Variants in PRKG1 observed in about 807,000 individuals in gnomAD.
The protein encoded by PRKG1 is cGMP-dependent protein kinase 1.
In PRKG1, 35 loss-of-function variants were observed where a neutral mutation model predicts 88.1. The ratio of observed to expected loss-of-function variants is 0.40; its 90% CI spans 0.30 to 0.53. The LOEUF (loss-of-function observed/expected upper bound fraction) is 0.53. Among genes scored for constraint, PRKG1 ranks in the 20% least tolerant of loss-of-function variants. The pLI, the probability that PRKG1 is intolerant of heterozygous loss-of-function variation, is 0.59. For missense variants in PRKG1, 540 were observed against 839.8 expected (o/e 0.64, Z 4.41); for synonymous variants, 303 against 292.5 (o/e 1.04, Z -0.37).
At chr10:51,816,605 T>C (rs1839594323) in intron 4 of PRKG1, among the ~76,000 whole-genome samples, 7 of 151,280 alleles carry the variant, frequency 4.6e-5, no homozygotes, top group Admixed American at 4.0e-4. Context: ...CTGAGGTTTT[T>C]AAAAGTAATT....
rs180907275 is a variant in PRKG1, at chr10:51,616,759, G to T, written c.592+148923G>T. On this transcript the variant is annotated intron_variant, in intron 3 of 17. Transcript: ENST00000373980. The stretch of plus-strand genomic sequence containing the variant: ...GGATACACAGGTGAGAAATGGTAGT[G>T]GTTGTGCTGTAGCCCTGCCACTGGG... Among the ~76,000 whole-genome samples the T allele has an allele frequency of 3.7e-3, 556 of 152,260 alleles. 12 individuals carry two copies. Among genetic ancestry groups the T allele is most frequent in the Admixed American group, 0.031 (479 of 15,292 alleles).
chr10:51,428,050 A>C (rs1489126563), intron 2 of PRKG1, among the ~76,000 whole-genome samples: 2 of 152,186 alleles, frequency 1.3e-5, no homozygotes, highest in African/African-American at 4.8e-5. Flanking sequence ...CTAAGGGCAC[A>C]TGGCCTTAAG....
chr10:51,614,931 CCATCTTTGAATATATT>C (rs1330853413), intron 3 of PRKG1, among the ~76,000 whole-genome samples: 54 of 150,006 alleles, frequency 3.6e-4, no homozygotes, highest in African/African-American at 1.2e-3. Flanking sequence ...TTGAATATAT[CCATCTTTGAATATATT>C]CAACTTTGAA....
At chr10:51,952,347 C>G (rs746725323) in intron 5 of PRKG1, among the ~76,000 whole-genome samples, 3 of 152,154 alleles carry the variant, frequency 2.0e-5, no homozygotes, top group Admixed American at 6.5e-5. Context: ...TTGGGAATCA[C>G]TTGTGCTGGC....
intron 4 of PRKG1, among the ~76,000 whole-genome samples, chr10:51,835,780 A>C (rs1840116447): frequency 1.3e-5 from 2 of 152,158 alleles, no homozygotes; most frequent in Admixed American, 1.3e-4. Flanking sequence ...ATCATATGGT[A>C]GTTCTATTTC....
In PRKG1 at chr10:51,951,988, C is replaced by A. The variant is rs559063609; in HGVS notation, c.762+44418C>A. On this transcript the variant is annotated intron_variant, in intron 5 of 17. Coordinates refer to ENST00000373980, the MANE Select transcript of PRKG1 (RefSeq NM_006258.4). Reference sequence around the variant, plus strand: ...AGTGTTCATAAAGGTGTTATTGGAACCTTGCCATACCCATTTGTTAACATA... The same window carrying A: ...AGTGTTCATAAAGGTGTTATTGGAAACTTGCCATACCCATTTGTTAACATA... 4.6e-5 allele frequency among the ~76,000 whole-genome samples: 7 copies of A among 152,250 alleles called. No homozygotes were observed. In the South Asian group the frequency reaches 1.0e-3, roughly 23 times the overall value.
chr10:51,360,179 T>C (rs1309232108), intron 2 of PRKG1, among the ~76,000 whole-genome samples: 1 of 151,910 alleles, frequency 6.6e-6, no homozygotes, highest in Non-Finnish European at 1.5e-5. Flanking sequence ...TAGGAGGTGT[T>C]AAGGAATCCA....
At chr10:51,115,725 T>C (rs1273071714) in intron 1 of PRKG1, among the ~76,000 whole-genome samples, 5 of 151,252 alleles carry the variant, frequency 3.3e-5, no homozygotes, top group Admixed American at 1.3e-4. Context: ...TAGTCCCAGC[T>C]ATTCGGGACG....
chr10:51,014,249 C>T (rs1843028341), intron 1 of PRKG1, among the ~76,000 whole-genome samples: 1 of 151,708 alleles, frequency 6.6e-6, no homozygotes, highest in South Asian at 2.1e-4. Context: ...GGGCTTTAGG[C>T]TCACTGATTC....
intron 2 of PRKG1, among the ~76,000 whole-genome samples, chr10:51,397,814 A>G (rs1837621847): frequency 6.6e-6 from 1 of 152,172 alleles, no homozygotes; most frequent in South Asian, 2.1e-4. Context: ...GCAGTGAGCC[A>G]TTTGGCTCAA....
chr10:52,281,112 A>G (rs1178383221), intron 13 of PRKG1, among the ~76,000 whole-genome samples, 182 bp downstream of exon 13: 2 of 152,294 alleles, frequency 1.3e-5, no homozygotes, highest in Non-Finnish European at 2.9e-5. Flanking sequence ...CAGTTATGAA[A>G]AATTAAGTTG....
intron 2 of PRKG1, among the ~76,000 whole-genome samples, chr10:51,332,822 G>A (rs1044118725): frequency 2.6e-5 from 4 of 152,214 alleles, no homozygotes; most frequent in African/African-American, 9.6e-5. Flanking sequence ...TGTGGAAACA[G>A]ACCTAAGTTC....
intron 2 of PRKG1, among the ~76,000 whole-genome samples, chr10:51,407,751 T>A (rs1429058388): frequency 6.6e-6 from 1 of 152,180 alleles, no homozygotes; most frequent in East Asian, 1.9e-4. Context: ...CCCATTGACC[T>A]TAATCACAGG....
intron 17 of PRKG1, among the ~76,000 whole-genome samples, chr10:52,291,758 G>T (rs1379126907): frequency 2.0e-5 from 3 of 151,656 alleles, no homozygotes; most frequent in Non-Finnish European, 2.9e-5. Context: ...AGTCATTTGG[G>T]TATATACCCA....
In PRKG1 at chr10:51,670,643, G is replaced by C. The variant is rs1007121660; in HGVS notation, c.593-133942G>C. 9.3e-4 allele frequency among the ~76,000 whole-genome samples: 138 copies of C among 148,796 alleles called. No homozygotes were observed. In the East Asian group the frequency reaches 0.024, roughly 25 times the overall value. ...CCCAGCTACTTGGGAGGCTGAGGCAGGAGAATGGCGTGAACCCGGGAGGCA... is the reference window on the plus strand; with the variant it reads ...CCCAGCTACTTGGGAGGCTGAGGCACGAGAATGGCGTGAACCCGGGAGGCA... On this transcript the variant is annotated intron_variant, in intron 3 of 17. Transcript: ENST00000373980.
chr10:52,024,209 T>C (rs10740410), intron 5 of PRKG1, among the ~76,000 whole-genome samples: 152,247 of 152,248 alleles, frequency 1, 76,123 homozygotes, highest in Non-Finnish European at 1. Flanking sequence ...GGCTGTGCTG[T>C]CCAAAGTAAT....
intron 9 of PRKG1, chr10:52,231,212 A>G (rs1840513180): frequency 6.6e-6 from 1 of 152,252 alleles, no homozygotes; most frequent in Non-Finnish European, 1.5e-5. Flanking sequence ...AGCCTGGGCA[A>G]CATGGTGAAA....
intron 3 of PRKG1, among the ~76,000 whole-genome samples, chr10:51,593,679 G>A (rs953755344): frequency 1.1e-4 from 17 of 151,972 alleles, no homozygotes; most frequent in Non-Finnish European, 2.2e-4. Flanking sequence ...AGGTAAATTA[G>A]AGTGGTATTG....
intron 1 of PRKG1, among the ~76,000 whole-genome samples, chr10:51,149,832 GGA>G (rs903557119): frequency 1.8e-4 from 28 of 152,098 alleles, no homozygotes; most frequent in African/African-American, 6.5e-4. Context: ...TTTACACCAT[GGA>G]AATTGGCAAA....
Sources: allele counts gnomAD v4.1 joint callset (sites outside exome capture counted in the v4.1 genomes callset), GRCh38; gene constraint gnomAD v4.1.1; transcripts MANE v1.5; gene names NCBI Gene and HGNC (gene_info 2026-07-23, HGNC 2026-07-21).